Variants in CSMD1 observed in about 807,000 individuals in gnomAD.
CSMD1 encodes the protein CUB and Sushi multiple domains 1.
Under a neutral mutation model 417.5 loss-of-function variants are expected in CSMD1, and 213 were observed. The ratio of observed to expected loss-of-function variants is 0.51; its 90% CI spans 0.46 to 0.57. The LOEUF (loss-of-function observed/expected upper bound fraction) is 0.57, where lower values mean the gene tolerates loss of function less well. Ranked by LOEUF, CSMD1 falls within the 20% of genes least tolerant of loss-of-function variation. CSMD1 has a pLI of 0.00. For synonymous variants in CSMD1, 2,862 were observed against 1,736.8 expected (o/e 1.65, Z -16.11); for missense variants, 6,923 against 4,529.7 (o/e 1.53, Z -15.17).
At chr8:4,359,326 A>T (rs1801617721) in intron 3 of CSMD1, among the ~76,000 whole-genome samples, 1 of 152,240 alleles carries the variant, frequency 6.6e-6, no homozygotes. Flanking sequence ...TGCAGGGGCC[A>T]AATAGGTACA....
chr8:3,000,376 T>C (rs767778710), intron 52 of CSMD1, among the ~76,000 whole-genome samples: 1 of 151,960 alleles, frequency 6.6e-6, no homozygotes, highest in Non-Finnish European at 1.5e-5. Flanking sequence ...CTAGTTGTGA[T>C]TTTCCCATCT....
rs375315771 is a variant in CSMD1 at position 3,078,150 on chromosome 8, C to A, written c.7474+8947G>T. ...ATTAGCCACTCTTATGCATAGGACCCTTGATTCTTTTATAAAATATTATTA... is the reference window on the plus strand; with the variant it reads ...ATTAGCCACTCTTATGCATAGGACCATTGATTCTTTTATAAAATATTATTA... On this transcript the variant is annotated intron_variant, in intron 49 of 69. Transcript: ENST00000635120. Among the ~76,000 whole-genome samples, 3 of 152,164 alleles carry A rather than the reference C, an allele frequency of 2.0e-5. No homozygotes were observed. The East Asian group carries it at 5.8e-4, about 29-fold the overall frequency.
chr8:3,394,227 T>TACATATTAA (rs1811549712), intron 17 of CSMD1, among the ~76,000 whole-genome samples: 1 of 146,874 alleles, frequency 6.8e-6, no homozygotes, highest in Non-Finnish European at 1.5e-5. Flanking sequence ...CAGGATTACT[T>TACATATTAA]ACATATTAAA....
At chr8:4,803,874 T>C (rs1585126277) in intron 1 of CSMD1, among the ~76,000 whole-genome samples, 1 of 152,208 alleles carries the variant, frequency 6.6e-6, no homozygotes, top group South Asian at 2.1e-4. Flanking sequence ...AAGAATTTAA[T>C]GAGAGCCAAG....
intron 7 of CSMD1, 84 bp from the exon 8 acceptor site, chr8:3,616,881 G>C (rs1374235129): frequency 1.2e-6 from 1 of 863,074 alleles, no homozygotes; most frequent in South Asian, 1.6e-5. Context: ...GGCATTTTCA[G>C]TTCTTTAATG....
At chr8:3,314,615 C>A (rs111931014) in intron 23 of CSMD1, among the ~76,000 whole-genome samples, 2,023 of 152,258 alleles carry the variant, frequency 0.013, 43 homozygotes, top group African/African-American at 0.045. Flanking sequence ...CATTTTAAGT[C>A]AAAGCACAGC....
intron 12 of CSMD1, among the ~76,000 whole-genome samples, chr8:3,418,517 T>A (rs1334400123): frequency 2.6e-5 from 4 of 152,066 alleles, no homozygotes; most frequent in Non-Finnish European, 5.9e-5. Context: ...TTGGCCAAAT[T>A]CCCTGACGGT....
At chr8:4,284,909 C>G (rs1796979664) in intron 3 of CSMD1, among the ~76,000 whole-genome samples, 1 of 152,152 alleles carries the variant, frequency 6.6e-6, no homozygotes, top group African/African-American at 2.4e-5. Context: ...TTCCTGAATT[C>G]AGTTTCAGGA....
At chr8:4,215,569 C>T (rs1714716) in intron 3 of CSMD1, among the ~76,000 whole-genome samples, 151,429 of 152,124 alleles carry the variant, frequency 1, 75,375 homozygotes, top group Middle Eastern at 1. Flanking sequence ...ATAGATCAGG[C>T]ATTTTTTCCC....
chr8:2,960,037 C>T (rs1376919852), intron 62 of CSMD1, among the ~76,000 whole-genome samples: 1 of 152,200 alleles, frequency 6.6e-6, no homozygotes, highest in East Asian at 1.9e-4. Flanking sequence ...ATACAGTCAT[C>T]ATTGACTTTT....
chr8:4,876,617 G>C (rs544068037), intron 1 of CSMD1, among the ~76,000 whole-genome samples: 1 of 152,024 alleles, frequency 6.6e-6, no homozygotes, highest in Non-Finnish European at 1.5e-5. Flanking sequence ...TAGCACATCA[G>C]TTCACAATAG....
intron 10 of CSMD1, among the ~76,000 whole-genome samples, chr8:3,509,054 G>T (rs538614691): frequency 2.0e-5 from 3 of 152,120 alleles, no homozygotes. Flanking sequence ...CTGTATCAGC[G>T]GTCCATGTGC....
chr8:4,897,976 C>G (rs1563706159), intron 1 of CSMD1, among the ~76,000 whole-genome samples: 1 of 152,002 alleles, frequency 6.6e-6, no homozygotes, highest in Non-Finnish European at 1.5e-5. Context: ...TTTAAATTAT[C>G]CCGGGCTACT....
chr8:2,967,443 G>A (rs1804063647), intron 57 of CSMD1, among the ~76,000 whole-genome samples: 1 of 152,148 alleles, frequency 6.6e-6, no homozygotes, highest in South Asian at 2.1e-4. Flanking sequence ...TCTACACTCT[G>A]TGCCTATTTT....
chr8:3,634,795 G>C (rs75986009), intron 7 of CSMD1, among the ~76,000 whole-genome samples: 1 of 152,114 alleles, frequency 6.6e-6, no homozygotes, highest in Non-Finnish European at 1.5e-5. Flanking sequence ...CATGCATCAT[G>C]TGTCCTGAGA....
chr8:3,785,039 T>G lies in CSMD1; in HGVS notation c.819-30997A>C, dbSNP rs146390466. ...TATAAGTAGAGGGAGGGAATAGAGA[T>G]AGAAAAACTGCCCATCTCACCCCTC... On this transcript the variant is annotated intron_variant, in intron 5 of 69. Transcript: ENST00000635120. 2.7e-4 allele frequency among the ~76,000 whole-genome samples: 41 copies of G among 152,280 alleles called. No individual in the cohort carries two copies. The East Asian group carries it at 6.0e-3, about 22-fold the overall frequency.
chr8:4,245,084 G>A (rs1802624630), intron 3 of CSMD1, among the ~76,000 whole-genome samples: 1 of 152,068 alleles, frequency 6.6e-6, no homozygotes, highest in Non-Finnish European at 1.5e-5. Context: ...CAACCTGTCT[G>A]GAATGAATAA....
intron 5 of CSMD1, among the ~76,000 whole-genome samples, chr8:3,835,364 T>TA (rs1802620364): frequency 1.3e-5 from 2 of 152,134 alleles, no homozygotes; most frequent in African/African-American, 4.8e-5. Context: ...GTGGTCCATA[T>TA]ACACCATGGA....
chr8:3,982,818 G>C (rs547407803), intron 5 of CSMD1, among the ~76,000 whole-genome samples: 15 of 152,292 alleles, frequency 9.8e-5, no homozygotes, highest in Admixed American at 2.6e-4. Flanking sequence ...TCTGAGGGGA[G>C]CACGATGGTC....
Sources: gnomAD v4.1 joint callset for allele counts (sites outside exome capture counted in the v4.1 genomes callset) on GRCh38, gnomAD v4.1.1 for gene constraint, MANE v1.5 for transcripts, NCBI Gene and HGNC (gene_info 2026-07-23, HGNC 2026-07-21) for gene names.